Variants in RYR3 observed in about 807,000 individuals in gnomAD.
RYR3 encodes the protein brain ryanodine receptor-calcium release channel.
RYR3 carries 207 observed loss-of-function variants against 584.3 expected under a neutral mutation model. The observed-to-expected ratio is 0.35, with a 90% CI of 0.32 to 0.40. The LOEUF is 0.40. Ranked by LOEUF, RYR3 falls within the 10% of genes least tolerant of loss-of-function variation. The pLI, the probability that RYR3 is intolerant of heterozygous loss-of-function variation, is 1.00. For missense variants in RYR3, 5,616 were observed against 6,089.2 expected, an observed-to-expected ratio of 0.92 and a Z score of 2.59; for synonymous variants, 2,416 against 2,248.5, an observed-to-expected ratio of 1.07 and a Z score of -2.11.
At position 33,791,379 on chromosome 15, in the gene RYR3, CACA is replaced by C. The variant is rs1259261228; in HGVS notation, c.9830+2922_9830+2924del. Among the ~76,000 whole-genome samples, 7 of 152,164 alleles carry C rather than the reference CACA, an allele frequency of 4.6e-5. No homozygotes were observed. The South Asian group carries it at 6.2e-4, about 14-fold the overall frequency. On this transcript the variant is annotated intron_variant, in intron 67 of 103. Coordinates refer to ENST00000634891, the MANE Select transcript of RYR3 (RefSeq NM_001036.6). ...TGTGTGTGACACACACACACACACA[CACA>C]CCCCTACATTCGGAGAGAGAGAGGG...
At chr15:33,747,953 T>C (rs2152845462) in intron 53 of RYR3, among the ~76,000 whole-genome samples, 161 bp from the exon 54 acceptor site, 1 of 152,218 alleles carries the variant, frequency 6.6e-6, no homozygotes, top group South Asian at 2.1e-4. Flanking sequence ...AAAGACTGTG[T>C]TTCGGGTAAG....
chr15:33,445,663 CAACACACA>C (rs2046581938), intron 1 of RYR3, among the ~76,000 whole-genome samples: 1 of 46,458 alleles, frequency 2.2e-5, no homozygotes, highest in African/African-American at 1.0e-4. Flanking sequence ...TTTCCCCCAC[CAACACACA>C]CACACACACA....
chr15:33,656,134 G>A (rs866166424), intron 32 of RYR3, among the ~76,000 whole-genome samples: 1 of 152,236 alleles, frequency 6.6e-6, no homozygotes, highest in African/African-American at 2.4e-5. Context: ...GGATTTACAA[G>A]AGGGGTTAGC....
At chr15:33,734,564 T>G (rs915595162) in intron 48 of RYR3, among the ~76,000 whole-genome samples, 30 of 152,236 alleles carry the variant, frequency 2.0e-4, no homozygotes, top group African/African-American at 7.0e-4. Flanking sequence ...AGAAACCACA[T>G]CAACCAAGGA....
At chr15:33,854,616 C>A in intron 97 of RYR3, 150 bp from the exon 98 acceptor site, 1 of 1,118,002 alleles carries the variant, frequency 8.9e-7, no homozygotes, top group Non-Finnish European at 1.3e-6. Context: ...GTAGATGGGG[C>A]TCACTTAGCA....
At chr15:33,705,363 C>T (rs1460326597) in intron 42 of RYR3, among the ~76,000 whole-genome samples, 1 of 152,102 alleles carries the variant, frequency 6.6e-6, no homozygotes, top group Non-Finnish European at 1.5e-5. Flanking sequence ...TATTTGACAT[C>T]AGCAAGTAAG....
chr15:33,603,992 G>A (rs115099056), intron 18 of RYR3, among the ~76,000 whole-genome samples: 2 of 152,260 alleles, frequency 1.3e-5, no homozygotes, highest in South Asian at 2.1e-4. Context: ...TCCATGGCCC[G>A]TGCCTGTGGA....
intron 19 of RYR3, among the ~76,000 whole-genome samples, chr15:33,615,650 C>T (rs1028127274): frequency 1.3e-5 from 2 of 152,190 alleles, no homozygotes; most frequent in African/African-American, 4.8e-5. Flanking sequence ...GAATCTTACG[C>T]TATCTGCAGG....
chr15:33,790,801 TAGA>T (rs888757783), intron 67 of RYR3, among the ~76,000 whole-genome samples: 1 of 151,934 alleles, frequency 6.6e-6, no homozygotes, highest in Non-Finnish European at 1.5e-5. Flanking sequence ...AGAGGTCAGG[TAGA>T]AGAAGAGGAA....
At chr15:33,799,890 C>T (rs780618330) in intron 67 of RYR3, among the ~76,000 whole-genome samples, 25 of 152,102 alleles carry the variant, frequency 1.6e-4, no homozygotes, top group Non-Finnish European at 3.2e-4. Flanking sequence ...AGAAAAACCC[C>T]ACATTTGATA....
intron 18 of RYR3, among the ~76,000 whole-genome samples, chr15:33,607,032 T>A (rs913673257): frequency 6.6e-6 from 1 of 152,186 alleles, no homozygotes; most frequent in Non-Finnish European, 1.5e-5. Context: ...GGTATTTGTT[T>A]ATAAAACACA....
At chr15:33,393,918 C>A (rs536545231) in intron 1 of RYR3, among the ~76,000 whole-genome samples, 1 of 152,234 alleles carries the variant, frequency 6.6e-6, no homozygotes, top group East Asian at 1.9e-4. Flanking sequence ...TCAATTAGTA[C>A]ATCCAGCAGC....
At position 33,530,676 on chromosome 15, in the gene RYR3, T is replaced by C; in HGVS notation, c.354+10T>C. 6.2e-7 allele frequency: 1 copy of C among 1,606,000 alleles called. No individual in the cohort carries two copies. Among genetic ancestry groups the C allele is most frequent in the Non-Finnish European group, 8.5e-7 (1 of 1,172,982 alleles). ...CTCTTTCAGCGGAATGGTAAGCAGC[T>C]CTGGTGCCCACTTTCATCATTCAAG... On this transcript the variant is annotated intron_variant, in intron 4 of 103. Coordinates refer to ENST00000634891, the MANE Select transcript of RYR3 (RefSeq NM_001036.6).
intron 93 of RYR3, 55 bp from the exon 94 acceptor site, chr15:33,848,236 C>T: frequency 6.2e-7 from 1 of 1,604,506 alleles, no homozygotes; most frequent in Non-Finnish European, 8.5e-7. Flanking sequence ...TACCTGGGAG[C>T]AGGAGCTTTA....
chr15:33,649,048 C>T lies in RYR3; in HGVS notation c.3979-24C>T, dbSNP rs2062285183. On this transcript the variant is annotated intron_variant, in intron 30 of 103. Transcript: ENST00000634891. ...CTGGATGGGGGCTGGGGGCCATTGA[C>T]TCCCCTCTGCGGTCTCTCCACAGCA... The T allele has an allele frequency of 3.2e-6, 5 of 1,586,688 alleles. No homozygotes were observed. In the African/African-American group the frequency reaches 5.4e-5, roughly 17 times the overall value.
intron 1 of RYR3, among the ~76,000 whole-genome samples, chr15:33,394,321 T>A (rs2042173566): frequency 6.6e-6 from 1 of 152,198 alleles, no homozygotes; most frequent in Admixed American, 6.5e-5. Context: ...AATTCAACAT[T>A]GTTTAAAATA....
At chr15:33,823,723 T>C (rs35885784) in intron 81 of RYR3, among the ~76,000 whole-genome samples, 11,451 of 152,252 alleles carry the variant, frequency 0.075, 537 homozygotes, top group Middle Eastern at 0.11. Flanking sequence ...TAGGTCATGA[T>C]ACTTGCTGAA....
In RYR3 at chr15:33,756,303, T is replaced by C. The variant is rs953676205; in HGVS notation, c.8516-3T>C. ...CAACTTTGTGTTACCTGTGTCTTCG[T>C]AGAAGCCATTGTCAGCAGTGGGAAA... On this transcript the variant is annotated splice_region_variant and splice_polypyrimidine_tract_variant and intron_variant, in intron 58 of 103. Coordinates refer to ENST00000634891, the MANE Select transcript of RYR3 (RefSeq NM_001036.6). 3.2e-6 allele frequency: 5 copies of C among 1,572,552 alleles called. No homozygotes were observed. In the African/African-American group the frequency reaches 6.7e-5, roughly 21 times the overall value.
chr15:33,644,813 T>C (rs912159158), intron 28 of RYR3, among the ~76,000 whole-genome samples: 3 of 152,240 alleles, frequency 2.0e-5, no homozygotes, highest in African/African-American at 7.2e-5. Context: ...CATAGTAATA[T>C]AGTATTCGGA....
Sources: gnomAD v4.1 joint callset for allele counts (sites outside exome capture counted in the v4.1 genomes callset) on GRCh38, gnomAD v4.1.1 for gene constraint, MANE v1.5 for transcripts, NCBI Gene and HGNC (gene_info 2026-07-23, HGNC 2026-07-21) for gene names.